STMND1: variants seen among roughly 807,000 people sequenced by gnomAD.
The protein encoded by STMND1 is stathmin domain-containing protein 1.
Under a neutral mutation model 23.0 loss-of-function variants are expected in STMND1, and 17 were observed. That is an observed-to-expected ratio of 0.74 (90% CI 0.51 to 1.11). STMND1 has a LOEUF of 1.11. Ranked by LOEUF, STMND1 falls within the 50% of genes least tolerant of loss-of-function variation. STMND1 has a pLI of 0.00. For missense variants in STMND1, 305 were observed against 329.1 expected, an observed-to-expected ratio of 0.93 and a Z score of 0.57; for synonymous variants, 114 against 119.9, an observed-to-expected ratio of 0.95 and a Z score of 0.32.
chr6:17,115,223 C>G (rs1487937139), intron 2 of STMND1, 84 bp downstream of exon 2: 1 of 1,308,760 alleles, frequency 7.6e-7, no homozygotes, highest in African/African-American at 1.5e-5. Flanking sequence ...TTTGGTGGTC[C>G]TTTTATCATT....
rs920806680 is a variant in STMND1 at position 17,129,275 on chromosome 6, G to C, written c.543+32G>C. ...AGCTCTCAGATGCTCTAGGCTTGAG[G>C]AGTTCGCTGTCTGTTAAAATGATCT... On this transcript the variant is annotated intron_variant, in intron 4 of 4. Coordinates refer to ENST00000536551, the MANE Select transcript of STMND1 (RefSeq NM_001190766.2). 2.0e-6 allele frequency: 3 copies of C among 1,530,336 alleles called. No homozygotes were observed. The Admixed American group carries it at 6.0e-5, about 31-fold the overall frequency. 94.8% of individuals were successfully genotyped at this position (1,530,336 alleles called of 1,614,324 possible).
intron 1 of STMND1, among the ~76,000 whole-genome samples, chr6:17,112,404 TA>T (rs1310284694): frequency 6.6e-6 from 1 of 152,222 alleles, no homozygotes; most frequent in African/African-American, 2.4e-5. Flanking sequence ...TGGGGTATTA[TA>T]AATAATAATT....
At chr6:17,107,514 C>T (rs907877715) in intron 1 of STMND1, among the ~76,000 whole-genome samples, 1 of 152,196 alleles carries the variant, frequency 6.6e-6, no homozygotes, top group Non-Finnish European at 1.5e-5. Flanking sequence ...ATTCTACTCA[C>T]CATTCCATCC....
chr6:17,115,191 C>T, intron 2 of STMND1, 52 bp downstream of exon 2: 1 of 1,474,046 alleles, frequency 6.8e-7, no homozygotes, highest in Non-Finnish European at 9.0e-7. Context: ...TACTGTTTCT[C>T]TAAATACGTT....
chr6:17,112,554 G>A (rs1761108082), intron 1 of STMND1, among the ~76,000 whole-genome samples: 1 of 152,074 alleles, frequency 6.6e-6, no homozygotes, highest in Admixed American at 6.6e-5. Flanking sequence ...GAGGCGGGTG[G>A]ATCACAAGGT....
At chr6:17,119,375 C>G (rs184269758) in intron 2 of STMND1, among the ~76,000 whole-genome samples, 1 of 152,140 alleles carries the variant, frequency 6.6e-6, no homozygotes, top group African/African-American at 2.4e-5. Context: ...CTTCCCAGCA[C>G]AAATTCATGA....
Position 17,126,173 on chromosome 6 carries a change from C to T in STMND1, c.412-2939C>T, listed in dbSNP as rs1439925303. On this transcript the variant is annotated intron_variant, in intron 3 of 4. Transcript: ENST00000536551. ...ACTCAAGTGATCCACCTGCCTTGGC[C>T]TCCCAAAGTGCTGGGATTACAGCGT... 6.8e-5 allele frequency among the ~76,000 whole-genome samples: 10 copies of T among 146,322 alleles called. No homozygotes were observed. In the East Asian group the frequency reaches 2.1e-3, roughly 30 times the overall value.
At chr6:17,110,107 CT>C (rs1761077617) in intron 1 of STMND1, among the ~76,000 whole-genome samples, 1 of 152,202 alleles carries the variant, frequency 6.6e-6, no homozygotes, top group Non-Finnish European at 1.5e-5. Flanking sequence ...TCCTTTTCTC[CT>C]TGTCCACTGG....
At chr6:17,117,332 G>A (rs1336032577) in intron 2 of STMND1, among the ~76,000 whole-genome samples, 1 of 152,130 alleles carries the variant, frequency 6.6e-6, no homozygotes, top group East Asian at 1.9e-4. Context: ...GCCTCTCAAA[G>A]TGCTGGGATT....
At chr6:17,129,438 C>G (rs1761355713) in intron 4 of STMND1, among the ~76,000 whole-genome samples, 195 bp downstream of exon 4, 1 of 151,624 alleles carries the variant, frequency 6.6e-6, no homozygotes, top group Non-Finnish European at 1.5e-5. Context: ...GTGGCATGCT[C>G]AGAGCTCACT....
chr6:17,104,550 A>C (rs1303233658), intron 1 of STMND1, among the ~76,000 whole-genome samples: 1 of 152,040 alleles, frequency 6.6e-6, no homozygotes, highest in Non-Finnish European at 1.5e-5. Context: ...CTGGGTTTCT[A>C]CCTACATTTC....
chr6:17,129,343 T>C (rs1050576611), intron 4 of STMND1, 100 bp downstream of exon 4: 2 of 1,141,776 alleles, frequency 1.8e-6, no homozygotes, highest in Non-Finnish European at 2.4e-6. Flanking sequence ...ACAAACTGCA[T>C]GGATCTATAA....
intron 3 of STMND1, among the ~76,000 whole-genome samples, chr6:17,122,381 AAAAG>A (rs960862418): frequency 5.3e-5 from 8 of 152,306 alleles, no homozygotes; most frequent in African/African-American, 1.4e-4. Flanking sequence ...AATGAAAAAG[AAAAG>A]AAAGAAAAGG....
chr6:17,102,369 A>ACAG lies in STMND1; in HGVS notation c.81+31_81+32insCAG, dbSNP rs1554147563. The ACAG allele has an allele frequency of 2.0e-4, 304 of 1,508,604 alleles. 4 individuals are homozygous for ACAG. The East Asian group carries it at 5.1e-3, about 26-fold the overall frequency. 93.5% of individuals were successfully genotyped at this position (1,508,604 alleles called of 1,614,324 possible). A position where few individuals can be genotyped will look rare whatever the true frequency, so the allele number is the denominator to read the frequency against. ...AAACAAACAAACAAACAAACAAACA[A>ACAG]ACAGACAGAAAGCCTTTTGCCTGGG... On this transcript the variant is annotated intron_variant, in intron 1 of 4. Coordinates refer to ENST00000536551, the MANE Select transcript of STMND1 (RefSeq NM_001190766.2).
chr6:17,120,474 T>G, intron 2 of STMND1, 133 bp from the exon 3 acceptor site: 1 of 624,348 alleles, frequency 1.6e-6, no homozygotes, highest in Non-Finnish European at 2.6e-6. Context: ...AGACTTATAA[T>G]AGAAATATAT....
In STMND1 at chr6:17,115,107, C is replaced by T; in HGVS notation, c.227C>T (p.Ser76Phe). Residue 76 changes from serine to phenylalanine, a missense_variant, in exon 2 of 5, where the codon TCT becomes TTT. Ser to Phe is a radical substitution (Grantham distance 155). Transcript: ENST00000536551. ...GGAACCATTTCAGAAAATTCTCCATCTCCTAGTGAAAGAAACAGACGAGTA... is the reference window on the plus strand; with the variant it reads ...GGAACCATTTCAGAAAATTCTCCATTTCCTAGTGAAAGAAACAGACGAGTA... ...LPGTISENSP[S>F]PSERNRRVNS... 6.5e-7 allele frequency: 1 copy of T among 1,535,820 alleles called. No homozygotes were observed. Among genetic ancestry groups the T allele is most frequent in the Non-Finnish European group, 8.7e-7 (1 of 1,146,814 alleles).
At chr6:17,113,088 C>T (rs1442620547) in intron 1 of STMND1, among the ~76,000 whole-genome samples, 1 of 152,158 alleles carries the variant, frequency 6.6e-6, no homozygotes, top group Admixed American at 6.5e-5. Context: ...GTTATGTGAG[C>T]AAACACATCT....
chr6:17,126,066 ATATATTTTTTT>A (rs1209837399), intron 3 of STMND1, among the ~76,000 whole-genome samples: 4 of 23,296 alleles, frequency 1.7e-4, no homozygotes, highest in African/African-American at 6.4e-4. Context: ...ATATATATAT[ATATATTTTTTT>A]TTTTTTTTTT....
intron 3 of STMND1, among the ~76,000 whole-genome samples, chr6:17,122,096 C>T (rs184030239): frequency 1.4e-4 from 21 of 152,074 alleles, no homozygotes; most frequent in Admixed American, 2.6e-4. Context: ...CTCCTGACCT[C>T]GTAATCCACC....
Sources: gnomAD v4.1 joint callset for allele counts (sites outside exome capture counted in the v4.1 genomes callset) on GRCh38, gnomAD v4.1.1 for gene constraint, MANE v1.5 for transcripts, NCBI Gene and HGNC (gene_info 2026-07-23, HGNC 2026-07-21) for gene names.